GPC6: variants seen among roughly 807,000 people sequenced by gnomAD.
The protein encoded by GPC6 is glypican-6.
A neutral mutation model predicts 55.2 loss-of-function variants in GPC6; 14 were observed. The observed-to-expected ratio is 0.25, with a 90% CI of 0.17 to 0.40. The LOEUF (loss-of-function observed/expected upper bound fraction) is 0.40. Among genes scored for constraint, GPC6 ranks in the 10% least tolerant of loss-of-function variants. GPC6 has a pLI of 1.00. For synonymous variants in GPC6, 278 were observed against 259.6 expected, an observed-to-expected ratio of 1.07 and a Z score of -0.68; for missense variants, 641 against 708.5, an observed-to-expected ratio of 0.90 and a Z score of 1.08.
intron 4 of GPC6, among the ~76,000 whole-genome samples, chr13:94,228,821 A>C (rs557013211): frequency 6.6e-6 from 1 of 151,912 alleles, no homozygotes; most frequent in South Asian, 2.1e-4. Flanking sequence ...AAGTCTAGAC[A>C]GATGAGTTTA....
At chr13:93,981,375 A>G (rs1880798077) in intron 3 of GPC6, among the ~76,000 whole-genome samples, 1 of 152,340 alleles carries the variant, frequency 6.6e-6, no homozygotes, top group African/African-American at 2.4e-5. Context: ...TTAATATGTT[A>G]TTTAGTGAAA....
intron 4 of GPC6, among the ~76,000 whole-genome samples, chr13:94,113,307 TTTTA>T (rs746803986): frequency 1.3e-5 from 2 of 152,104 alleles, no homozygotes; most frequent in Non-Finnish European, 2.9e-5. Context: ...AGTCTTGAGT[TTTTA>T]TTTTTAAATG....
intron 6 of GPC6, among the ~76,000 whole-genome samples, chr13:94,337,726 G>T (rs558661598): frequency 6.6e-6 from 1 of 152,264 alleles, no homozygotes; most frequent in Admixed American, 6.5e-5. Context: ...GGGATTACAG[G>T]CGTAATTCAT....
intron 1 of GPC6, among the ~76,000 whole-genome samples, chr13:93,473,091 G>A (rs982746525): frequency 4.6e-5 from 7 of 152,200 alleles, no homozygotes; most frequent in African/African-American, 9.6e-5. Flanking sequence ...GGTGGCCATG[G>A]GTGGGCCCAG....
intron 1 of GPC6, among the ~76,000 whole-genome samples, chr13:93,441,531 G>A (rs977398626): frequency 1.3e-5 from 2 of 152,062 alleles, no homozygotes; most frequent in African/African-American, 4.8e-5. Context: ...CCTACTTTTT[G>A]ATGGGGTTGT....
At chr13:93,966,835 TG>T (rs1880068746) in intron 3 of GPC6, among the ~76,000 whole-genome samples, 1 of 151,994 alleles carries the variant, frequency 6.6e-6, no homozygotes, top group African/African-American at 2.4e-5. Flanking sequence ...AAAATATTTT[TG>T]CAGTGATGGG....
chr13:94,288,897 A>AAATATATATATATTTGTTATATATATAAC, intron 5 of GPC6, among the ~76,000 whole-genome samples: 1 of 129,358 alleles, frequency 7.7e-6, no homozygotes. Flanking sequence ...TATATATAAC[A>AAATATATATATATTTGTTATATATATAAC]AATATATATA....
intron 3 of GPC6, among the ~76,000 whole-genome samples, chr13:93,856,488 G>A (rs1888614985): frequency 6.6e-6 from 1 of 151,566 alleles, no homozygotes; most frequent in Non-Finnish European, 1.5e-5. Flanking sequence ...AAGGAACATA[G>A]GCAAATGAGA....
At chr13:94,240,357 C>G (rs2139024697) in intron 4 of GPC6, among the ~76,000 whole-genome samples, 1 of 152,226 alleles carries the variant, frequency 6.6e-6, no homozygotes, top group East Asian at 1.9e-4. Flanking sequence ...TGGAACTTGG[C>G]ATCCTCCAGA....
intron 2 of GPC6, among the ~76,000 whole-genome samples, chr13:93,806,759 G>T (rs1886553573): frequency 6.6e-6 from 1 of 152,156 alleles, no homozygotes; most frequent in South Asian, 2.1e-4. Flanking sequence ...ACTGCCAAAT[G>T]ATAAAATATT....
At chr13:93,878,582 T>G (rs534202320) in intron 3 of GPC6, among the ~76,000 whole-genome samples, 1 of 152,242 alleles carries the variant, frequency 6.6e-6, no homozygotes, top group Admixed American at 6.5e-5. Flanking sequence ...TTCACCATGT[T>G]GGCCAGGCTG....
intron 2 of GPC6, among the ~76,000 whole-genome samples, chr13:93,699,089 TAA>T (rs1048699083): frequency 2.0e-5 from 3 of 152,098 alleles, no homozygotes; most frequent in African/African-American, 7.2e-5. Flanking sequence ...CTTGAAAAAG[TAA>T]AGAGTTAATT....
chr13:94,151,358 A>G (rs983152797), intron 4 of GPC6, among the ~76,000 whole-genome samples: 3 of 152,176 alleles, frequency 2.0e-5, no homozygotes, highest in Non-Finnish European at 4.4e-5. Context: ...TAAACTGAAC[A>G]ACAGAGAAAT....
chr13:93,420,658 T>G (rs1876890773), intron 1 of GPC6, among the ~76,000 whole-genome samples: 2 of 152,188 alleles, frequency 1.3e-5, no homozygotes. Context: ...CTTGTTTTTC[T>G]GTGTAGAAAG....
intron 4 of GPC6, among the ~76,000 whole-genome samples, chr13:94,190,890 C>A (rs1889369356): frequency 6.6e-6 from 1 of 151,948 alleles, no homozygotes; most frequent in African/African-American, 2.4e-5. Context: ...ATAAGTGATA[C>A]ATATTAGTAT....
chr13:94,279,640 G>C (rs1350880566), intron 4 of GPC6, among the ~76,000 whole-genome samples: 1 of 152,068 alleles, frequency 6.6e-6, no homozygotes, highest in Non-Finnish European at 1.5e-5. Context: ...CTCGTATGCT[G>C]TCTGTTTATT....
chr13:93,714,563 C>T (rs2138813395), intron 2 of GPC6, among the ~76,000 whole-genome samples: 1 of 151,968 alleles, frequency 6.6e-6, no homozygotes, highest in East Asian at 1.9e-4. Flanking sequence ...TACCATTTGA[C>T]CCAGTGTTCC....
chr13:93,588,291 CA>C (rs1190925688), intron 2 of GPC6, among the ~76,000 whole-genome samples: 8 of 152,026 alleles, frequency 5.3e-5, no homozygotes, highest in African/African-American at 1.9e-4. Context: ...TTCCCATCTC[CA>C]AATAAAATTT....
chr13:93,958,234 C>T (rs1259923411), intron 3 of GPC6, among the ~76,000 whole-genome samples: 2 of 152,052 alleles, frequency 1.3e-5, no homozygotes, highest in Non-Finnish European at 2.9e-5. Context: ...TCTTACTTGT[C>T]AATATTTGTT....
Sources: gnomAD v4.1 joint callset for allele counts (sites outside exome capture counted in the v4.1 genomes callset) on GRCh38, gnomAD v4.1.1 for gene constraint, MANE v1.5 for transcripts, NCBI Gene and HGNC (gene_info 2026-07-23, HGNC 2026-07-21) for gene names.